The following RBFOX1 variants were observed in gnomAD, a reference collection of about 807,000 sequenced individuals.
The protein encoded by RBFOX1 is RNA binding protein fox-1 homolog 1.
Under a neutral mutation model 57.7 loss-of-function variants are expected in RBFOX1, and 8 were observed. That is an observed-to-expected ratio of 0.14 (90% confidence interval 0.08 to 0.25). The LOEUF (loss-of-function observed/expected upper bound fraction) is 0.25. Among genes scored for constraint, RBFOX1 ranks in the 10% least tolerant of loss-of-function variants. RBFOX1 has a pLI of 1.00. For synonymous variants in RBFOX1, 326 were observed against 222.4 expected (o/e 1.47, Z -4.15); for missense variants, 611 against 548.5 (o/e 1.11, Z -1.14).
Position 6,253,699 on chromosome 16 carries a change from G to GTGTGTGTATATA in RBFOX1, c.-126-63295_-126-63294insGTGTGTATATAT, listed in dbSNP as rs71145205. Among the ~76,000 whole-genome samples the GTGTGTGTATATA allele has an allele frequency of 3.3e-3, 476 of 142,478 alleles. 4 individuals are homozygous for GTGTGTGTATATA. The highest frequency in any genetic ancestry group is 8.5e-3 in the East Asian group (40 of 4,688). 93.5% of individuals were successfully genotyped at this position (142,478 alleles called of 152,430 possible). ...CATGTGTGTGTGTGTGTGTGTGTGT[G>GTGTGTGTATATA]TATATATATATATATGTACCTATAC... On this transcript the variant is annotated intron_variant, in intron 1 of 15. Coordinates refer to ENST00000550418, the MANE Select transcript of RBFOX1 (RefSeq NM_018723.4).
intron 4 of RBFOX1, among the ~76,000 whole-genome samples, chr16:7,204,473 C>G (rs2089484524): frequency 6.6e-6 from 1 of 152,118 alleles, no homozygotes; most frequent in African/African-American, 2.4e-5. Flanking sequence ...AAGACATTGT[C>G]TCTATAAAAA....
At chr16:5,980,227 T>C (rs576873722) in intron 4 of RBFOX1, among the ~76,000 whole-genome samples, 1 of 152,346 alleles carries the variant, frequency 6.6e-6, no homozygotes, top group East Asian at 1.9e-4. Context: ...TGTTTGCATC[T>C]CCCTTGGCTA....
intron 4 of RBFOX1, among the ~76,000 whole-genome samples, chr16:7,158,630 T>C (rs1308978459): frequency 1.3e-5 from 2 of 152,028 alleles, no homozygotes; most frequent in East Asian, 3.8e-4. Flanking sequence ...TGTGTCTGCA[T>C]GTGTGTGTTT....
At chr16:6,159,566 A>G (rs1338147635) in intron 1 of RBFOX1, among the ~76,000 whole-genome samples, 1 of 152,202 alleles carries the variant, frequency 6.6e-6, no homozygotes, top group African/African-American at 2.4e-5. Flanking sequence ...TGGAGAACCC[A>G]ATAAAGACTT....
intron 2 of RBFOX1, among the ~76,000 whole-genome samples, chr16:6,566,666 C>G (rs766048588): frequency 2.0e-5 from 3 of 152,208 alleles, no homozygotes; most frequent in Admixed American, 6.5e-5. Flanking sequence ...CTCCTCAAGT[C>G]TGTCTTCTCC....
intron 2 of RBFOX1, among the ~76,000 whole-genome samples, chr16:6,333,510 A>G (rs2083287057): frequency 6.6e-6 from 1 of 152,108 alleles, no homozygotes; most frequent in Admixed American, 6.6e-5. Context: ...TCTTTGCCTC[A>G]CATTCTTTTC....
At chr16:7,053,965 C>A (rs532937677) in intron 4 of RBFOX1, among the ~76,000 whole-genome samples, 2 of 152,022 alleles carry the variant, frequency 1.3e-5, no homozygotes, top group Non-Finnish European at 2.9e-5. Flanking sequence ...AAAGAGAGTG[C>A]AATGGAGTTT....
At chr16:7,254,291 C>A (rs1328565813) in intron 4 of RBFOX1, among the ~76,000 whole-genome samples, 1 of 152,158 alleles carries the variant, frequency 6.6e-6, no homozygotes, top group African/African-American at 2.4e-5. Flanking sequence ...ATTCTTGACT[C>A]ATTTGCCTTT....
At chr16:7,253,865 A>T (rs1455273524) in intron 4 of RBFOX1, among the ~76,000 whole-genome samples, 1 of 152,118 alleles carries the variant, frequency 6.6e-6, no homozygotes, top group Non-Finnish European at 1.5e-5. Flanking sequence ...AGAAATGCAT[A>T]TTGGAGGATT....
At chr16:6,804,542 G>A (rs1165423188) in intron 3 of RBFOX1, among the ~76,000 whole-genome samples, 1 of 151,972 alleles carries the variant, frequency 6.6e-6, no homozygotes, top group East Asian at 1.9e-4. Context: ...ATTCTAAATT[G>A]GACTCTAAAT....
At chr16:6,114,971 C>G (rs1343924539) in intron 1 of RBFOX1, among the ~76,000 whole-genome samples, 1 of 152,014 alleles carries the variant, frequency 6.6e-6, no homozygotes, top group Non-Finnish European at 1.5e-5. Context: ...AATTAAGGGA[C>G]AAGTTAATGC....
Position 7,104,059 on chromosome 16 carries a change from G to A in RBFOX1, c.27+51961G>A, listed in dbSNP as rs145604614. The stretch of plus-strand genomic sequence containing the variant: ...CCACATATAAAATCTAAAATAGTTC[G>A]TTACTAAAAGCAATCCTGCAATCCC... On this transcript the variant is annotated intron_variant, in intron 4 of 15. Transcript: ENST00000550418. 9.1e-4 allele frequency among the ~76,000 whole-genome samples: 139 copies of A among 152,132 alleles called. 1 individual carries two copies. Among genetic ancestry groups the A allele is most frequent in the African/African-American group, 2.8e-3 (118 of 41,508 alleles).
chr16:6,863,548 A>G (rs2059135780), intron 3 of RBFOX1, among the ~76,000 whole-genome samples: 1 of 151,918 alleles, frequency 6.6e-6, no homozygotes, highest in South Asian at 2.1e-4. Flanking sequence ...TTCTGGTTAC[A>G]TAGATAAATG....
chr16:6,160,924 A>C (rs987534273), intron 1 of RBFOX1, among the ~76,000 whole-genome samples: 3 of 152,128 alleles, frequency 2.0e-5, no homozygotes, highest in Non-Finnish European at 4.4e-5. Context: ...ATCCTGCTTT[A>C]TCATATCATG....
chr16:6,849,364 C>G (rs965834412), intron 3 of RBFOX1, among the ~76,000 whole-genome samples: 1 of 152,138 alleles, frequency 6.6e-6, no homozygotes. Context: ...TAGTCTTATA[C>G]TTTAGATAGA....
At position 5,354,395 on chromosome 16, in the gene RBFOX1, T is replaced by C. The variant is rs75055613; in HGVS notation, c.220-112821T>C. 8.1e-3 allele frequency among the ~76,000 whole-genome samples: 1,234 copies of C among 152,286 alleles called. 20 individuals are homozygous for C. The highest frequency in any genetic ancestry group is 0.028 in the African/African-American group (1,173 of 41,546). On this transcript the variant is annotated intron_variant, in intron 1 of 2. Coordinates refer to the RBFOX1 transcript ENST00000585867. ...CCGACTTGAATTACAACCCAGACTG[T>C]ACCACTTATGGGCCATGTGACCTTA...
At chr16:6,463,871 G>C (rs565184414) in intron 2 of RBFOX1, among the ~76,000 whole-genome samples, 2 of 151,946 alleles carry the variant, frequency 1.3e-5, no homozygotes, top group African/African-American at 4.8e-5. Flanking sequence ...TAGCTCTCGC[G>C]CCCACCATGA....
At chr16:6,699,059 A>G (rs1035612698) in intron 3 of RBFOX1, among the ~76,000 whole-genome samples, 1 of 152,158 alleles carries the variant, frequency 6.6e-6, no homozygotes, top group African/African-American at 2.4e-5. Context: ...TACCTTAGGG[A>G]TTCAAGTAGG....
intron 4 of RBFOX1, among the ~76,000 whole-genome samples, chr16:7,475,819 A>T (rs2062559959): frequency 6.6e-6 from 1 of 152,178 alleles, no homozygotes; most frequent in Non-Finnish European, 1.5e-5. Context: ...ATTAATTTGA[A>T]TATATGTTGG....
Sources: gnomAD v4.1 joint callset for allele counts (sites outside exome capture counted in the v4.1 genomes callset) on GRCh38, gnomAD v4.1.1 for gene constraint, MANE v1.5 for transcripts, NCBI Gene and HGNC (gene_info 2026-07-23, HGNC 2026-07-21) for gene names.